Variants in NFATC3 observed in about 807,000 individuals in gnomAD.
NFATC3 encodes the protein nuclear factor of activated T-cells, cytoplasmic 3.
In NFATC3, 46 loss-of-function variants were observed where a neutral mutation model predicts 98.6. That is an observed-to-expected ratio of 0.47 (90% CI 0.37 to 0.60). The LOEUF (loss-of-function observed/expected upper bound fraction) is 0.60. Ranked by LOEUF, NFATC3 falls within the 20% of genes least tolerant of loss-of-function variation. The pLI is 0.00. For synonymous variants in NFATC3, 512 were observed against 472.2 expected (o/e 1.08, Z -1.09); for missense variants, 1,256 against 1,295.5 (o/e 0.97, Z 0.47).
At chr16:68,094,846 G>A (rs1309193502) in intron 1 of NFATC3, among the ~76,000 whole-genome samples, 4 of 152,160 alleles carry the variant, frequency 2.6e-5, no homozygotes, top group Non-Finnish European at 5.9e-5. Flanking sequence ...AATGAGACAC[G>A]GATGCTGGCT....
Position 68,157,993 on chromosome 16 carries a change from C to T in NFATC3, c.1526C>T (p.Ala509Val), listed in dbSNP as rs1252882646. ...HRITGKTVAT[A>V]SQEIIIASTK... ...ATCACTGGGAAGACAGTCGCTACTG[C>T]AAGCCAAGAGATAATAATTGCCAGT... Residue 509 changes from alanine (A) to valine (V), a missense_variant, in exon 4 of 10, where the codon GCA (alanine) becomes GTA (valine). Physicochemically the swap from Ala to Val is moderately conservative, Grantham distance 64 (BLOSUM62 0). Around this residue, in one of 3 missense-constraint regions of NFATC3, gnomAD observed 156 missense variants for 212.4 expected, o/e 0.73. Coordinates refer to ENST00000346183, the MANE Select transcript of NFATC3 (RefSeq NM_173165.3). 1.2e-6 allele frequency: 2 copies of T among 1,613,978 alleles called. No individual in the cohort carries two copies. Among genetic ancestry groups the T allele is most frequent in the South Asian group, 2.2e-5 (2 of 91,068 alleles).
intron 6 of NFATC3, among the ~76,000 whole-genome samples, chr16:68,175,924 C>A (rs1429824721): frequency 6.6e-6 from 1 of 152,036 alleles, no homozygotes; most frequent in Admixed American, 6.6e-5. Flanking sequence ...AATACATTTA[C>A]CTTTGAAAGC....
intron 1 of NFATC3, among the ~76,000 whole-genome samples, chr16:68,090,322 A>AACACACAC (rs60304758): frequency 1.1e-4 from 14 of 125,802 alleles, no homozygotes; most frequent in African/African-American, 4.2e-4. Flanking sequence ...TTTCTTTAAA[A>AACACACAC]ACACACACAC....
intron 2 of NFATC3, among the ~76,000 whole-genome samples, chr16:68,123,812 G>A (rs192981731): frequency 1.5e-5 from 2 of 135,200 alleles, no homozygotes; most frequent in East Asian, 3.9e-4. Flanking sequence ...TGGCAAAACC[G>A]TGTCTCTACA....
In NFATC3 at chr16:68,229,055, G is replaced by A. The variant is rs11043; in HGVS notation, c.*2584G>A. The A allele has an allele frequency of 0.17, 26,301 of 152,140 alleles. 2,702 individuals carry two copies. Among genetic ancestry groups the A allele is most frequent in the African/African-American group, 0.28 (11,646 of 41,482 alleles). 9.4% of individuals were successfully genotyped at this position (152,140 alleles called of 1,614,324 possible). A position where few individuals can be genotyped will look rare whatever the true frequency, so the allele number is the denominator to read the frequency against. ...AGATGGGCTCAAATTGAAACCTTGT[G>A]TTTTATAAAATGGATGTTTAGTAAA... is the stretch of plus-strand genomic sequence containing the variant. On this transcript the variant is annotated 3_prime_UTR_variant, in exon 10 of 10. Coordinates refer to ENST00000346183, the MANE Select transcript of NFATC3 (RefSeq NM_173165.3).
chr16:68,168,128 C>T lies in NFATC3; in HGVS notation c.1774+1113C>T, dbSNP rs146853213. On this transcript the variant is annotated intron_variant, in intron 5 of 9. Transcript: ENST00000346183. ...GATTACAGGTGTGAGCCACTGCGCC[C>T]GGCCAAACACATGTATTCTTTTTTT... Among the ~76,000 whole-genome samples the T allele has an allele frequency of 3.3e-3, 506 of 151,710 alleles. 1 individual carries two copies. The highest frequency in any genetic ancestry group is 5.1e-3 in the Non-Finnish European group (344 of 67,918).
intron 5 of NFATC3, among the ~76,000 whole-genome samples, chr16:68,170,872 A>T (rs989899631): frequency 6.9e-6 from 1 of 145,876 alleles, no homozygotes; most frequent in Non-Finnish European, 1.5e-5. Context: ...GGCTTATCTG[A>T]TACAGTTTTA....
At chr16:68,214,157 G>A (rs1030405070) in intron 9 of NFATC3, among the ~76,000 whole-genome samples, 1 of 152,078 alleles carries the variant, frequency 6.6e-6, no homozygotes. Flanking sequence ...CTGAACTCCA[G>A]TATTTATTTT....
intron 1 of NFATC3, among the ~76,000 whole-genome samples, chr16:68,117,375 G>A (rs2036334907): frequency 6.6e-6 from 1 of 152,276 alleles, no homozygotes; most frequent in Non-Finnish European, 1.5e-5. Flanking sequence ...ATACTTTTCT[G>A]TTTAGAATGC....
At position 68,174,306 on chromosome 16, in the gene NFATC3, A is replaced by G. The variant is rs956531094; in HGVS notation, c.1775-68A>G. 7.8e-5 allele frequency: 94 copies of G among 1,211,832 alleles called. No individual in the cohort carries two copies. The Admixed American group carries it at 2.7e-3, about 34-fold the overall frequency. The allele number at this position is 1,211,832 out of a possible 1,614,324, so 75.1% of individuals were successfully genotyped here. On this transcript the variant is annotated intron_variant, in intron 5 of 9. Coordinates refer to ENST00000346183, the MANE Select transcript of NFATC3 (RefSeq NM_173165.3). Reference sequence around the variant, plus strand: ...TTTCTTTTTGTAGCTTGAGTTTGTCATTTATGTATCAAAGATTTTTAACTA... The same window carrying G: ...TTTCTTTTTGTAGCTTGAGTTTGTCGTTTATGTATCAAAGATTTTTAACTA...
chr16:68,133,068 A>C (rs56230350), intron 3 of NFATC3, among the ~76,000 whole-genome samples: 19,167 of 152,074 alleles, frequency 0.13, 1,253 homozygotes, highest in South Asian at 0.19. Flanking sequence ...GAGTTCGAGA[A>C]CAGCCTGGCC....
intron 3 of NFATC3, among the ~76,000 whole-genome samples, chr16:68,129,553 T>C (rs1445703104): frequency 4.6e-5 from 7 of 152,142 alleles, no homozygotes; most frequent in Non-Finnish European, 8.8e-5. Flanking sequence ...TGTTGTTTAC[T>C]TAAGTGACTC....
chr16:68,099,166 G>C (rs917255632), intron 1 of NFATC3, among the ~76,000 whole-genome samples: 3 of 152,200 alleles, frequency 2.0e-5, no homozygotes, highest in African/African-American at 7.2e-5. Context: ...AGGCGTGGTG[G>C]CTCACGCCTG....
At chr16:68,110,072 T>G (rs1345443785) in intron 1 of NFATC3, among the ~76,000 whole-genome samples, 1 of 152,180 alleles carries the variant, frequency 6.6e-6, no homozygotes, top group East Asian at 1.9e-4. Flanking sequence ...TGATACGATC[T>G]TGGCTCACTG....
chr16:68,214,642 T>C (rs2041561778), intron 9 of NFATC3, among the ~76,000 whole-genome samples: 2 of 152,214 alleles, frequency 1.3e-5, no homozygotes, highest in South Asian at 4.1e-4. Context: ...CTTATGATTT[T>C]ATTCTTGAAT....
chr16:68,112,702 A>G (rs1266270144), intron 1 of NFATC3, among the ~76,000 whole-genome samples: 1 of 121,818 alleles, frequency 8.2e-6, no homozygotes, highest in East Asian at 2.4e-4. Context: ...CCCAGGCCGG[A>G]CTGCGGACTG....
Position 68,174,475 on chromosome 16 carries a change from C to T in NFATC3, c.1876C>T (p.Leu626Phe). 1 of 1,604,062 alleles carries T rather than the reference C, an allele frequency of 6.2e-7. No homozygotes were observed. Among genetic ancestry groups the T allele is most frequent in the Non-Finnish European group, 8.5e-7 (1 of 1,175,470 alleles). ...HEMVVTGSNF[L>F]PESKIIFLEK... ...AATGGTTGTGACTGGATCTAATTTT[C>T]TTCCAGAATCCAAAATCATTTTTCT... Residue 626 changes from leucine (L) to phenylalanine (F), a missense_variant, in exon 6 of 10, where the codon CTT becomes TTT. Around this residue, in one of 3 missense-constraint regions of NFATC3, gnomAD observed 636 missense variants for 617.3 expected, o/e 1.03. Coordinates refer to ENST00000346183, the MANE Select transcript of NFATC3 (RefSeq NM_173165.3).
At chr16:68,131,143 T>C (rs1341257817) in intron 3 of NFATC3, among the ~76,000 whole-genome samples, 2 of 152,334 alleles carry the variant, frequency 1.3e-5, no homozygotes, top group Non-Finnish European at 2.9e-5. Context: ...CTTTGGTGGT[T>C]CAATTTAAAT....
intron 9 of NFATC3, among the ~76,000 whole-genome samples, chr16:68,196,554 G>A (rs955595033): frequency 4.6e-5 from 7 of 152,148 alleles, no homozygotes; most frequent in Admixed American, 2.0e-4. Flanking sequence ...TTAGCTGGGC[G>A]TGGTGGTGGG....
Sources: gnomAD v4.1 joint callset for allele counts (sites outside exome capture counted in the v4.1 genomes callset) on GRCh38, gnomAD v4.1.1 for gene constraint, gnomAD v4.1.1 regional missense constraint, MANE v1.5 for transcripts, NCBI Gene and HGNC (gene_info 2026-07-23, HGNC 2026-07-21) for gene names.